The following RIPK1 variants were observed in gnomAD, a reference collection of about 807,000 sequenced individuals.
The protein encoded by RIPK1 is receptor-interacting serine/threonine-protein kinase 1.
A neutral mutation model predicts 62.4 loss-of-function variants in RIPK1; 27 were observed. That is an observed-to-expected ratio of 0.43 (90% CI 0.32 to 0.60). The LOEUF is 0.60. Among genes scored for constraint, RIPK1 ranks in the 20% least tolerant of loss-of-function variants. The pLI, the probability that RIPK1 is intolerant of heterozygous loss-of-function variation, is 0.07. For missense variants in RIPK1, 735 were observed against 831.0 expected, an observed-to-expected ratio of 0.88 and a Z score of 1.42; for synonymous variants, 287 against 303.2, an observed-to-expected ratio of 0.95 and a Z score of 0.55.
intron 5 of RIPK1, 147 bp downstream of exon 5, chr6:3,083,460 T>C (rs1027811469): frequency 1.5e-6 from 1 of 662,692 alleles, no homozygotes; most frequent in Admixed American, 2.7e-5. Context: ...GGAACCTCGA[T>C]AGTGTGTCAT....
upstream of RIPK1, among the ~76,000 whole-genome samples, chr6:3,067,467 A>C (rs1250984250): frequency 4.6e-5 from 7 of 152,054 alleles, no homozygotes; most frequent in African/African-American, 1.7e-4. Flanking sequence ...TGTTTTTTTA[A>C]ATTGCAATTC....
intron 5 of RIPK1, among the ~76,000 whole-genome samples, chr6:3,084,305 G>A (rs896195607): frequency 6.6e-6 from 1 of 152,094 alleles, no homozygotes; most frequent in South Asian, 2.1e-4. Flanking sequence ...GATGAAGTTC[G>A]AATTCCTCAG....
chr6:3,109,040 G>A (rs979274268), intron 9 of RIPK1, among the ~76,000 whole-genome samples: 4 of 152,100 alleles, frequency 2.6e-5, no homozygotes, highest in African/African-American at 9.7e-5. Context: ...GCTCTTTAGG[G>A]ACAGTACCAA....
chr6:3,088,427 G>A (rs192411528), intron 6 of RIPK1, among the ~76,000 whole-genome samples: 1 of 152,318 alleles, frequency 6.6e-6, no homozygotes, highest in Non-Finnish European at 1.5e-5. Context: ...AGTGGGGAAG[G>A]GAAGGGTGGT....
intron 1 of RIPK1, among the ~76,000 whole-genome samples, chr6:3,073,257 A>G (rs111845610): frequency 6.6e-6 from 1 of 150,958 alleles, no homozygotes; most frequent in African/African-American, 2.4e-5. Context: ...TATATTATAT[A>G]TTACATATAT....
chr6:3,087,829 T>C (rs560356450), intron 6 of RIPK1, among the ~76,000 whole-genome samples: 14 of 152,320 alleles, frequency 9.2e-5, no homozygotes, highest in African/African-American at 2.4e-4. Flanking sequence ...TGAGCCACTG[T>C]GTCCGGCCTA....
chr6:3,083,126 A>G lies in RIPK1; in HGVS notation c.501A>G (p.Lys167=). Residue 167 remains lysine (K), a synonymous_variant, in exon 5 of 11, where the codon AAA becomes AAG. Transcript: ENST00000259808. ...TTGCCTCCTTTAAGATGTGGAGCAAACTGAATAATGAAGAGCACAATGAGC... is the reference window on the plus strand; with the variant it reads ...TTGCCTCCTTTAAGATGTGGAGCAAGCTGAATAATGAAGAGCACAATGAGC... ...LGLASFKMWS[K]LNNEEHNELR... 6.2e-7 allele frequency: 1 copy of G among 1,614,036 alleles called. No homozygotes were observed. Among genetic ancestry groups the G allele is most frequent in the Non-Finnish European group, 8.5e-7 (1 of 1,179,928 alleles).
At chr6:3,109,102 C>G (rs1250518681) in intron 9 of RIPK1, among the ~76,000 whole-genome samples, 1 of 152,144 alleles carries the variant, frequency 6.6e-6, no homozygotes, top group East Asian at 1.9e-4. Flanking sequence ...TGCCCCGTAC[C>G]AAGGCCCAGG....
chr6:3,101,631 A>G (rs1043748652), intron 7 of RIPK1, among the ~76,000 whole-genome samples: 14 of 117,910 alleles, frequency 1.2e-4, no homozygotes, highest in Middle Eastern at 4.1e-3. Context: ...TAAAACTAGG[A>G]AAAAAAAAAC....
At chr6:3,090,513 A>G (rs1162733986) in intron 7 of RIPK1, among the ~76,000 whole-genome samples, 1 of 152,178 alleles carries the variant, frequency 6.6e-6, no homozygotes, top group Non-Finnish European at 1.5e-5. Flanking sequence ...ATTCATCTGG[A>G]AAGTATAACC....
intron 7 of RIPK1, among the ~76,000 whole-genome samples, chr6:3,090,300 C>T (rs866056148): frequency 6.6e-6 from 1 of 152,138 alleles, no homozygotes; most frequent in Non-Finnish European, 1.5e-5. Flanking sequence ...CCCCGCCCCC[C>T]TGCCAACTCT....
At chr6:3,090,410 T>A (rs957659306) in intron 7 of RIPK1, among the ~76,000 whole-genome samples, 5 of 151,926 alleles carry the variant, frequency 3.3e-5, no homozygotes, top group Admixed American at 6.6e-5. Context: ...AAATATAATT[T>A]AAAAAAGAGA....
rs1254547533 is a variant in RIPK1 at position 3,113,285 on chromosome 6, C to T, written c.1962C>T (p.His654=). 1 of 1,614,138 alleles carries T rather than the reference C, an allele frequency of 6.2e-7. No individual in the cohort carries two copies. The highest frequency in any genetic ancestry group is 1.7e-4 in the Middle Eastern group (1 of 6,058). Residue 654 remains histidine, a synonymous_variant, in exon 11 of 11, where the codon CAC becomes CAT. Coordinates refer to ENST00000259808, the MANE Select transcript of RIPK1 (RefSeq NM_001354930.2). This position sits in a 1 kb window ranked among gnomAD's most constrained non-coding sequence, Gnocchi z 5.0. ...TGGGGAAGCTGGCCCAGGCGCTCCA[C>T]CAGTGTTCCAGGATCGACCTTCTGA... ...ATVGKLAQAL[H]QCSRIDLLSS...
upstream of RIPK1, chr6:3,068,424 C>T (rs1035574519): frequency 4.1e-6 from 4 of 985,442 alleles, no homozygotes; most frequent in Non-Finnish European, 4.8e-6. Flanking sequence ...GTCCCACGAG[C>T]GGCGGGGCGG....
upstream of RIPK1, among the ~76,000 whole-genome samples, chr6:3,067,464 T>C (rs1409182809): frequency 1.3e-5 from 2 of 152,242 alleles, no homozygotes; most frequent in Admixed American, 6.5e-5. Flanking sequence ...ATTTGTTTTT[T>C]TAAATTGCAA....
At chr6:3,070,731 T>G (rs892817726) in intron 1 of RIPK1, among the ~76,000 whole-genome samples, 7 of 142,524 alleles carry the variant, frequency 4.9e-5, no homozygotes, top group Non-Finnish European at 8.8e-5. Flanking sequence ...GCACCTCACC[T>G]TCCTGTATTT....
chr6:3,073,821 T>C (rs1758907679), intron 1 of RIPK1, among the ~76,000 whole-genome samples: 1 of 152,206 alleles, frequency 6.6e-6, no homozygotes, highest in Non-Finnish European at 1.5e-5. Context: ...TTTTTCATTT[T>C]TTAACTCCCT....
chr6:3,093,984 G>GCGTGCCTACCTGCTGCACCTAGTAACTGC (rs1356238402), intron 7 of RIPK1, among the ~76,000 whole-genome samples: 2 of 128,106 alleles, frequency 1.6e-5, no homozygotes, highest in African/African-American at 6.1e-5. Flanking sequence ...AGTAACTGCA[G>GCGTGCCTACCTGCTGCACCTAGTAACTGC]AGCGCCTACC....
rs114183703 is a variant in RIPK1, at chr6:3,113,258, G to A, written c.1935G>A (p.Thr645=). The change falls in exon 11 of 11, where the codon ACG becomes ACA. Residue 645 remains threonine (T), a synonymous_variant. Coordinates refer to ENST00000259808, the MANE Select transcript of RIPK1 (RefSeq NM_001354930.2). The surrounding 1 kb of genome is among the most constrained non-coding windows in gnomAD (Gnocchi z 5.0). ...TGAGGGAAGGCATAAAGGGAGCCAC[G>A]GTGGGGAAGCTGGCCCAGGCGCTCC... ...WVMREGIKGA[T]VGKLAQALHQ... 5.1e-3 allele frequency: 8,171 copies of A among 1,614,124 alleles called. 45 individuals are homozygous for A. The highest frequency in any genetic ancestry group is 0.023 in the Middle Eastern group (142 of 6,062).
Sources: gnomAD v4.1 joint callset for allele counts (sites outside exome capture counted in the v4.1 genomes callset) on GRCh38, gnomAD v4.1.1 for gene constraint, Gnocchi (gnomAD v3.1) non-coding constraint, MANE v1.5 for transcripts, NCBI Gene and HGNC (gene_info 2026-07-23, HGNC 2026-07-21) for gene names.